FAM83G: variants seen among roughly 807,000 people sequenced by gnomAD.
The protein encoded by FAM83G is scaffolding CK1 anchoring protein G.
In FAM83G, 38 loss-of-function variants were observed where a neutral mutation model predicts 61.5. That is an observed-to-expected ratio of 0.62 (90% confidence interval 0.48 to 0.81). The LOEUF (loss-of-function observed/expected upper bound fraction) is 0.81, where lower values mean the gene tolerates loss of function less well. FAM83G is among the 30% of genes least tolerant of loss of function. The probability of loss-of-function intolerance (pLI) is 0.00; values close to 1 mark genes in which losing one functional copy is unlikely to be tolerated. For missense variants in FAM83G, 989 were observed against 1,133.6 expected (o/e 0.87, Z 1.83); for synonymous variants, 470 against 476.1 (o/e 0.99, Z 0.17).
chr17:18,979,171 C>T (rs1323175103), intron 4 of FAM83G: 5 of 484,898 alleles, frequency 1.0e-5, no homozygotes, highest in African/African-American at 5.8e-5. Context: ...TGCTGCCATG[C>T]GTCTATGCTG....
chr17:19,004,012 G>A lies in FAM83G; in HGVS notation c.30C>T (p.Asp10=). The change falls in exon 2 of 6, where the codon GAC becomes GAT. Residue 10 remains aspartate, a synonymous_variant. Transcript: ENST00000388995. This position sits in a 1 kb window ranked among gnomAD's most constrained non-coding sequence, Gnocchi z 5.4. The stretch of plus-strand genomic sequence containing the variant: ...TGGAGCGCCAGTTCACATGGTTGTC[G>A]TCCAGACACTGCACCTGAGAGAAGG... MAFSQVQCL[D]DNHVNWRSSE... 1 of 1,608,720 alleles carries A rather than the reference G, an allele frequency of 6.2e-7. No homozygotes were observed.
intron 4 of FAM83G, chr17:18,979,315 A>ACC: frequency 1.7e-6 from 1 of 580,152 alleles, no homozygotes; most frequent in Non-Finnish European, 3.0e-6. Context: ...GCCTGGCCAC[A>ACC]CCCCACCTCC....
chr17:19,003,434 C>T lies in FAM83G; in HGVS notation c.522+86G>A, dbSNP rs1448755909. On this transcript the variant is annotated intron_variant, in intron 2 of 5. Transcript: ENST00000388995. The surrounding 1 kb of genome is among the most constrained non-coding windows in gnomAD (Gnocchi z 4.5). ...ATCCCTAGAAGCCCATGTTGGGCTC[C>T]CGTTTTGGGCTCTGAGTGAGCCTGT... 1.4e-6 allele frequency: 2 copies of T among 1,385,310 alleles called. No homozygotes were observed. The highest frequency in any genetic ancestry group is 5.4e-5 in the East Asian group (2 of 37,274). 85.8% of individuals were successfully genotyped at this position (1,385,310 alleles called of 1,614,324 possible).
At chr17:18,994,478 C>T (rs892590608) in intron 2 of FAM83G, among the ~76,000 whole-genome samples, 8 of 152,156 alleles carry the variant, frequency 5.3e-5, no homozygotes, top group Non-Finnish European at 1.0e-4. Context: ...AGAGGGTCCC[C>T]TGGAGTCTTC....
upstream of FAM83G, among the ~76,000 whole-genome samples, chr17:19,005,873 C>T (rs895486479): frequency 2.6e-5 from 4 of 152,258 alleles, no homozygotes; most frequent in African/African-American, 4.8e-5. Context: ...TTTGCATCCT[C>T]CTCCTGCCCC....
At chr17:18,979,228 TGTG>T (rs1262709001) in intron 4 of FAM83G, 3 of 465,064 alleles carry the variant, frequency 6.5e-6, no homozygotes, top group East Asian at 4.0e-5. Flanking sequence ...CCATGCCCCA[TGTG>T]GTGGTGCCCA....
At position 18,983,484 on chromosome 17, in the gene FAM83G, T is replaced by C. The variant is rs187727930; in HGVS notation, c.691-3811A>G. ...GGATGGCCATTCCTAGGTTTATTGA[T>C]AGTTGAGTAGTTAGTGTGAATGAGT... On this transcript the variant is annotated intron_variant, in intron 3 of 5. Transcript: ENST00000388995. Among the ~76,000 whole-genome samples the C allele has an allele frequency of 3.5e-3, 527 of 152,292 alleles. 4 individuals carry two copies. Among genetic ancestry groups the C allele is most frequent in the South Asian group, 0.011 (54 of 4,830 alleles).
Position 18,969,233 on chromosome 17 carries a change from C to T in FAM83G, c.*2126G>A, listed in dbSNP as rs1475428669. On this transcript the variant is annotated 3_prime_UTR_variant, in exon 6 of 6. Coordinates refer to ENST00000388995, the MANE Select transcript of FAM83G (RefSeq NM_001039999.3). ...AGAAGGCCACCTCCCCCTACAGGCCCGAGGGAGCAGCCCAGGAAGTGGCCC... is the reference window on the plus strand; with the variant it reads ...AGAAGGCCACCTCCCCCTACAGGCCTGAGGGAGCAGCCCAGGAAGTGGCCC... 36 of 1,577,824 alleles carry T rather than the reference C, an allele frequency of 2.3e-5. No homozygotes were observed. The highest frequency in any genetic ancestry group is 9.0e-5 in the East Asian group (4 of 44,568).
Position 19,004,210 on chromosome 17 carries a change from C to T in FAM83G, c.-128-41G>A. 5.6e-6 allele frequency: 1 copy of T among 177,686 alleles called. No individual in the cohort carries two copies. Among genetic ancestry groups the T allele is most frequent in the Admixed American group, 7.2e-5 (1 of 13,850 alleles). The allele number at this position is 177,686 out of a possible 1,614,324, so 11.0% of individuals were successfully genotyped here. The stretch of plus-strand genomic sequence containing the variant: ...GATGAGCCCGGCTCGGCGGGGAGGG[C>T]GGGCCGCGCGGGGAGGGGCGGCGGG... On this transcript the variant is annotated intron_variant, in intron 1 of 5. Coordinates refer to ENST00000388995, the MANE Select transcript of FAM83G (RefSeq NM_001039999.3). The surrounding 1 kb of genome is among the most constrained non-coding windows in gnomAD (Gnocchi z 5.4).
At chr17:18,993,334 C>T (rs192058352) in intron 2 of FAM83G, among the ~76,000 whole-genome samples, 2 of 152,280 alleles carry the variant, frequency 1.3e-5, no homozygotes, top group African/African-American at 4.8e-5. Context: ...CCTCCCCTGT[C>T]GTCACTCTGG....
chr17:18,979,420 C>T, intron 4 of FAM83G, 129 bp downstream of exon 4: 2 of 1,143,590 alleles, frequency 1.7e-6, no homozygotes, highest in Non-Finnish European at 2.4e-6. Flanking sequence ...AGATGTGCTC[C>T]AGCCCTGCGC....
chr17:18,974,116 C>A (rs1273477759), intron 5 of FAM83G, among the ~76,000 whole-genome samples: 1 of 152,166 alleles, frequency 6.6e-6, no homozygotes, highest in African/African-American at 2.4e-5. Context: ...TGGTCTCGAA[C>A]TCCTGACCTC....
chr17:19,003,266 A>C lies in FAM83G; in HGVS notation c.522+254T>G, dbSNP rs2043778175. 6.6e-6 allele frequency among the ~76,000 whole-genome samples: 1 copy of C among 151,028 alleles called. No individual in the cohort carries two copies. ...TTCTGGGGAACCAGAAACACCCTCC[A>C]ACAATAAAGAGGCCCTTTGAGACGG... On this transcript the variant is annotated intron_variant, in intron 2 of 5. Coordinates refer to ENST00000388995, the MANE Select transcript of FAM83G (RefSeq NM_001039999.3). The surrounding 1 kb of genome is among the most constrained non-coding windows in gnomAD (Gnocchi z 4.5).
Position 18,988,557 on chromosome 17 carries a change from G to A in FAM83G, c.523-143C>T. 7.2e-6 allele frequency: 10 copies of A among 1,384,860 alleles called. No individual in the cohort carries two copies. The South Asian group carries it at 1.3e-4, about 18-fold the overall frequency. 85.8% of individuals were successfully genotyped at this position (1,384,860 alleles called of 1,614,324 possible). A position where few individuals can be genotyped will look rare whatever the true frequency, so the allele number is the denominator to read the frequency against. ...CCTACTCCTGGAGCCTCAGGCCCGG[G>A]ACCAGGAAGTGAGGGGCCAGGGGCC... On this transcript the variant is annotated intron_variant, in intron 2 of 5. Transcript: ENST00000388995.
intron 2 of FAM83G, among the ~76,000 whole-genome samples, chr17:18,993,297 C>A (rs2043477374): frequency 6.6e-6 from 1 of 152,106 alleles, no homozygotes; most frequent in Non-Finnish European, 1.5e-5. Flanking sequence ...TACCTTTTTT[C>A]AAATCCCAAC....
chr17:19,005,652 C>CCA (rs2152145388), upstream of FAM83G, among the ~76,000 whole-genome samples: 1 of 152,084 alleles, frequency 6.6e-6, no homozygotes, highest in East Asian at 1.9e-4. Flanking sequence ...CTCAAACCCC[C>CCA]CCCCTCCAAG....
In FAM83G at chr17:18,979,588, A is replaced by C; in HGVS notation, c.776T>G (p.Met259Arg). ...KFKGALAQKF[M>R]FVDGDRAVCG... is the part of the protein sequence containing the mutation. ...CACAGCCCGGTCTCCATCCACAAAC[A>C]TGAACTTCTGGGCCAGGGCACCCTT... The change falls in exon 4 of 6, where the codon ATG (methionine) becomes AGG (arginine). Residue 259 changes from methionine (M) to arginine (R), a missense_variant. This residue lies in a region of FAM83G where 371 missense variants were observed against 404.5 expected (regional missense o/e 0.92). Transcript: ENST00000388995. The C allele has an allele frequency of 1.2e-6, 2 of 1,613,418 alleles. No homozygotes were observed. The highest frequency in any genetic ancestry group is 1.7e-6 in the Non-Finnish European group (2 of 1,179,918).
At chr17:18,979,205 G>A (rs1207726841) in intron 4 of FAM83G, 1 of 466,050 alleles carries the variant, frequency 2.1e-6, no homozygotes, top group Non-Finnish European at 3.9e-6. Context: ...TGTAACCATG[G>A]GCAGCGCCCA....
At chr17:18,990,371 G>T (rs1487639265) in intron 2 of FAM83G, among the ~76,000 whole-genome samples, 1 of 152,072 alleles carries the variant, frequency 6.6e-6, no homozygotes, top group Non-Finnish European at 1.5e-5. Context: ...CCCTGCCTGG[G>T]ATCTCCCAGA....
Sources: allele counts gnomAD v4.1 joint callset (sites outside exome capture counted in the v4.1 genomes callset), GRCh38; gene constraint gnomAD v4.1.1; regional missense constraint gnomAD v4.1.1; non-coding constraint Gnocchi (gnomAD v3.1); transcripts MANE v1.5; gene names NCBI Gene and HGNC (gene_info 2026-07-23, HGNC 2026-07-21).